The following NAA11 variants were observed in gnomAD, a reference collection of about 807,000 sequenced individuals.
NAA11 encodes N-alpha-acetyltransferase 11.
In NAA11, 15 loss-of-function variants were observed where a neutral mutation model predicts 16.1. That is an observed-to-expected ratio of 0.93 (90% CI 0.62 to 1.44). The LOEUF is 1.44. Ranked by LOEUF, NAA11 falls within the 40% of genes most tolerant of loss-of-function variation. The pLI is 0.00. For missense variants in NAA11, 298 were observed against 291.3 expected (o/e 1.02, Z -0.17); for synonymous variants, 122 against 112.4 (o/e 1.09, Z -0.54).
chr4:79,256,651 A>AAATATATATATATATATATATATATATAT (rs1722114623), intron 2 of NAA11, among the ~76,000 whole-genome samples: 1 of 130,768 alleles, frequency 7.6e-6, no homozygotes, highest in African/African-American at 3.1e-5. Context: ...TATAAATATA[A>AAATATATATATATATATATATATATATAT]ATATATATAT....
At chr4:79,208,351 C>T in the NAA11 span, among the ~76,000 whole-genome samples, 1 of 152,076 alleles carries the variant, frequency 6.6e-6, no homozygotes, top group Non-Finnish European at 1.5e-5. Context: ...GAGAACCTAC[C>T]ATAAGACTTA....
chr4:79,303,358 CG>C (rs1723469195), intron 1 of NAA11, among the ~76,000 whole-genome samples: 2 of 151,808 alleles, frequency 1.3e-5, no homozygotes, highest in African/African-American at 4.8e-5. Context: ...CTTGCTCTGT[CG>C]CTCAGGCTGG....
At chr4:79,205,383 T>A in the NAA11 span, among the ~76,000 whole-genome samples, 1 of 152,092 alleles carries the variant, frequency 6.6e-6, no homozygotes, top group Non-Finnish European at 1.5e-5. Flanking sequence ...TTTTTTCCTA[T>A]GTTTGTTGGT....
chr4:79,162,313 A>G, the NAA11 span, among the ~76,000 whole-genome samples: 1 of 152,186 alleles, frequency 6.6e-6, no homozygotes, highest in Non-Finnish European at 1.5e-5. Context: ...TCTGAAAGGT[A>G]AGTGTTGAAT....
chr4:79,286,458 T>C (rs1435439588), intron 2 of NAA11, among the ~76,000 whole-genome samples: 6 of 152,072 alleles, frequency 3.9e-5, no homozygotes, highest in Admixed American at 2.6e-4. Flanking sequence ...ATGTGTGTTA[T>C]AGATTTGTGT....
the NAA11 span, among the ~76,000 whole-genome samples, chr4:79,214,211 C>T: frequency 1.3e-5 from 2 of 152,144 alleles, no homozygotes; most frequent in Non-Finnish European, 2.9e-5. Context: ...AATAGAAATA[C>T]TCCTCTACTA....
intron 2 of NAA11, among the ~76,000 whole-genome samples, chr4:79,277,182 G>T (rs572983328): frequency 2.6e-5 from 4 of 152,100 alleles, no homozygotes; most frequent in Non-Finnish European, 5.9e-5. Flanking sequence ...GCAACTCAAG[G>T]GTAAATGACC....
At chr4:79,204,956 C>CACACAT in the NAA11 span, among the ~76,000 whole-genome samples, 2 of 151,288 alleles carry the variant, frequency 1.3e-5, no homozygotes, top group Non-Finnish European at 3.0e-5. Flanking sequence ...CACACACACA[C>CACACAT]ATTATTCCAT....
chr4:79,188,016 A>G, the NAA11 span, among the ~76,000 whole-genome samples: 16 of 151,330 alleles, frequency 1.1e-4, no homozygotes, highest in Non-Finnish European at 5.9e-5. Flanking sequence ...AAAAAAAAAA[A>G]AAAAAAAGAA....
At chr4:79,299,761 G>A (rs1167017687) in intron 1 of NAA11, among the ~76,000 whole-genome samples, 1 of 152,132 alleles carries the variant, frequency 6.6e-6, no homozygotes, top group African/African-American at 2.4e-5. Context: ...GTCAATATTA[G>A]GATTGTGACC....
the NAA11 span, among the ~76,000 whole-genome samples, chr4:79,218,356 G>A: frequency 7.2e-6 from 1 of 138,956 alleles, no homozygotes; most frequent in Non-Finnish European, 1.6e-5. Context: ...TTTTTTTTTT[G>A]GTTGGAAAAA....
the NAA11 span, among the ~76,000 whole-genome samples, chr4:79,180,991 A>G: frequency 2.0e-5 from 3 of 152,114 alleles, no homozygotes; most frequent in Non-Finnish European, 4.4e-5. Flanking sequence ...CAAAAAACCA[A>G]ACACCGCATG....
chr4:79,272,030 A>T (rs963815012), intron 2 of NAA11, among the ~76,000 whole-genome samples: 4 of 151,906 alleles, frequency 2.6e-5, no homozygotes, highest in Non-Finnish European at 5.9e-5. Context: ...ACACACACAT[A>T]TAGAGATATA....
At chr4:79,208,676 T>G in the NAA11 span, among the ~76,000 whole-genome samples, 1 of 151,882 alleles carries the variant, frequency 6.6e-6, no homozygotes. Flanking sequence ...CAATTTAATA[T>G]TTTATATTTA....
chr4:79,189,935 G>A, the NAA11 span, among the ~76,000 whole-genome samples: 2 of 152,184 alleles, frequency 1.3e-5, no homozygotes, highest in African/African-American at 2.4e-5. Context: ...AGCTATAACT[G>A]AGACCAGAAA....
At chr4:79,324,837 T>C (rs1439462227) in intron 1 of NAA11, among the ~76,000 whole-genome samples, 2 of 152,196 alleles carry the variant, frequency 1.3e-5, no homozygotes, top group African/African-American at 2.4e-5. Context: ...TTTATATTTC[T>C]ATCATTATTA....
chr4:79,216,908 T>G, the NAA11 span, among the ~76,000 whole-genome samples: 1 of 152,252 alleles, frequency 6.6e-6, no homozygotes, highest in South Asian at 2.1e-4. Flanking sequence ...TTTATGGAAT[T>G]TTTCCACCAA....
the NAA11 span, among the ~76,000 whole-genome samples, chr4:79,191,547 A>G: frequency 3.9e-5 from 6 of 152,042 alleles, no homozygotes; most frequent in East Asian, 1.2e-3. Flanking sequence ...TCTCTTGTAC[A>G]TTTGTTTAAG....
At chr4:79,269,827 T>C in intron 2 of NAA11, among the ~76,000 whole-genome samples, 1 of 145,922 alleles carries the variant, frequency 6.9e-6, no homozygotes, top group African/African-American at 2.6e-5. Flanking sequence ...AGGGTTTTTA[T>C]GGTTTTAGGT....
Sources: gnomAD v4.1 joint callset for allele counts (sites outside exome capture counted in the v4.1 genomes callset) on GRCh38, gnomAD v4.1.1 for gene constraint, MANE v1.5 for transcripts, NCBI Gene and HGNC (gene_info 2026-07-23, HGNC 2026-07-21) for gene names.